The following CDCA8 variants were observed in gnomAD, a reference collection of about 807,000 sequenced individuals.
CDCA8 encodes cell division cycle associated 8.
Under a neutral mutation model 40.0 loss-of-function variants are expected in CDCA8, and 25 were observed. The ratio of observed to expected loss-of-function variants is 0.63; its 90% confidence interval spans 0.46 to 0.87. The LOEUF is 0.87. Ranked by LOEUF, CDCA8 falls within the 40% of genes least tolerant of loss-of-function variation. The probability of loss-of-function intolerance (pLI) is 0.00; values close to 1 mark genes in which losing one functional copy is unlikely to be tolerated. For missense variants in CDCA8, 280 were observed against 348.4 expected, an observed-to-expected ratio of 0.80 and a Z score of 1.56; for synonymous variants, 111 against 126.5, an observed-to-expected ratio of 0.88 and a Z score of 0.82.
rs933576591 is a variant in CDCA8 at position 37,709,579 on chromosome 1, T to C, written c.*1213T>C. On this transcript the variant is annotated 3_prime_UTR_variant, in exon 10 of 10. Transcript: ENST00000373055. ...TAGTAAAACAGTCCTGTTCAAGTTG[T>C]ATTCTTTTAAGTTCTTTTATTCTCC... 6.6e-6 allele frequency: 1 copy of C among 152,240 alleles called. No individual in the cohort carries two copies. The highest frequency in any genetic ancestry group is 1.5e-5 in the Non-Finnish European group (1 of 68,050). 9.4% of individuals were successfully genotyped at this position (152,240 alleles called of 1,614,324 possible).
chr1:37,707,470 C>T (rs1569584259), intron 9 of CDCA8, among the ~76,000 whole-genome samples: 2 of 152,196 alleles, frequency 1.3e-5, no homozygotes, highest in East Asian at 1.9e-4. Flanking sequence ...AGTGGTGGGG[C>T]CCATCAGCTG....
chr1:37,706,747 A>G (rs1197970173), intron 8 of CDCA8, among the ~76,000 whole-genome samples: 1 of 152,264 alleles, frequency 6.6e-6, no homozygotes, highest in Non-Finnish European at 1.5e-5. Context: ...CATACTCTGC[A>G]GGGCATTTCT....
intron 5 of CDCA8, 54 bp from the exon 6 acceptor site, chr1:37,701,700 C>G (rs1645565266): frequency 8.3e-7 from 1 of 1,202,404 alleles, no homozygotes; most frequent in South Asian, 1.4e-5. Context: ...CCCTCCTTAC[C>G]TTCCTCTTTG....
intron 7 of CDCA8, among the ~76,000 whole-genome samples, chr1:37,703,991 A>G (rs575603515): frequency 7.9e-5 from 12 of 152,142 alleles, no homozygotes; most frequent in Non-Finnish European, 1.5e-4. Flanking sequence ...TCTCACTCCA[A>G]TGCCCAGGCT....
chr1:37,706,726 T>G (rs1479008161), intron 8 of CDCA8, among the ~76,000 whole-genome samples: 1 of 152,198 alleles, frequency 6.6e-6, no homozygotes, highest in Non-Finnish European at 1.5e-5. Flanking sequence ...GGGAGGACGG[T>G]TTGTTTCAGA....
In CDCA8 at chr1:37,708,435, A is replaced by G; in HGVS notation, c.*69A>G. 7.0e-7 allele frequency: 1 copy of G among 1,434,282 alleles called. No individual in the cohort carries two copies. The highest frequency in any genetic ancestry group is 9.8e-7 in the Non-Finnish European group (1 of 1,017,450). The allele number at this position is 1,434,282 out of a possible 1,614,324, so 88.8% of individuals were successfully genotyped here. A position where few individuals can be genotyped will look rare whatever the true frequency, so the allele number is the denominator to read the frequency against. On this transcript the variant is annotated 3_prime_UTR_variant, in exon 10 of 10. Transcript: ENST00000373055. The stretch of plus-strand genomic sequence containing the variant: ...GACCCTGAAGAGACTTCTTCCCTTC[A>G]GGCTTATTGTTTGAGTGTGAAGTTC...
rs1271478125 is a variant in CDCA8, at chr1:37,709,248, G to A, written c.*882G>A. On this transcript the variant is annotated 3_prime_UTR_variant, in exon 10 of 10. Coordinates refer to ENST00000373055, the MANE Select transcript of CDCA8 (RefSeq NM_001256875.2). Reference sequence around the variant, plus strand: ...CTGTCTCTAAGCTATCCATGGTCCAGTGGTCCCTGCCAAGTCTGTAGACTT... The same window carrying A: ...CTGTCTCTAAGCTATCCATGGTCCAATGGTCCCTGCCAAGTCTGTAGACTT... 2 of 152,200 alleles carry A rather than the reference G, an allele frequency of 1.3e-5. No homozygotes were observed. Among genetic ancestry groups the A allele is most frequent in the Admixed American group, 1.3e-4 (2 of 15,278 alleles). The allele number at this position is 152,200 out of a possible 1,614,324, so 9.4% of individuals were successfully genotyped here.
intron 7 of CDCA8, among the ~76,000 whole-genome samples, chr1:37,703,605 A>G (rs1291652957): frequency 6.6e-6 from 1 of 152,104 alleles, no homozygotes; most frequent in Non-Finnish European, 1.5e-5. Context: ...AATCCCAGCT[A>G]CTCAGGAGGC....
intron 5 of CDCA8, among the ~76,000 whole-genome samples, chr1:37,700,809 G>C (rs1025478638): frequency 6.6e-6 from 1 of 152,184 alleles, no homozygotes; most frequent in African/African-American, 2.4e-5. Context: ...GGATAGATGG[G>C]GGAGGCGGAA....
intron 6 of CDCA8, 85 bp downstream of exon 6, chr1:37,701,903 G>T: frequency 1.0e-6 from 1 of 961,196 alleles, no homozygotes; most frequent in Non-Finnish European, 1.7e-6. Flanking sequence ...GCAGTGAAAA[G>T]GCTCTGGTGG....
At chr1:37,700,414 CT>C (rs777300833) in intron 4 of CDCA8, 21 bp from the exon 5 acceptor site, 9 of 1,395,900 alleles carry the variant, frequency 6.4e-6, no homozygotes, top group Admixed American at 3.4e-5. Flanking sequence ...AAATACCACC[CT>C]GTTGAAACTG....
At position 37,701,738 on chromosome 1, in the gene CDCA8, T is replaced by C. The variant is rs776947367; in HGVS notation, c.424-16T>C. 2 of 1,603,046 alleles carry C rather than the reference T, an allele frequency of 1.2e-6. No individual in the cohort carries two copies. The highest frequency in any genetic ancestry group is 8.5e-7 in the Non-Finnish European group (1 of 1,170,954). ...GGGTTTTTTGTAACCTTAGTCTCAT[T>C]TGATTGTGACTGCAGGTCAAAAGGT... On this transcript the variant is annotated splice_polypyrimidine_tract_variant and intron_variant, in intron 5 of 9. Transcript: ENST00000373055.
chr1:37,700,126 A>G (rs909300578), intron 4 of CDCA8, among the ~76,000 whole-genome samples: 1 of 152,162 alleles, frequency 6.6e-6, no homozygotes, highest in African/African-American at 2.4e-5. Flanking sequence ...GATGCATCCA[A>G]TTCTTATAAG....
At position 37,696,611 on chromosome 1, in the gene CDCA8, A is replaced by G. The variant is rs1465077218; in HGVS notation, c.264+661A>G. On this transcript the variant is annotated intron_variant, in intron 3 of 9. Coordinates refer to ENST00000373055, the MANE Select transcript of CDCA8 (RefSeq NM_001256875.2). The surrounding 1 kb of genome is among the most constrained non-coding windows in gnomAD (Gnocchi z 5.0). ...CTACTCTTGCAGAAAGTTTTATGAG[A>G]CAGCATTGGGAACTAGTCCATACAT... Among the ~76,000 whole-genome samples the G allele has an allele frequency of 6.6e-6, 1 of 152,278 alleles. No individual in the cohort carries two copies. Among genetic ancestry groups the G allele is most frequent in the African/African-American group, 2.4e-5 (1 of 41,482 alleles).
intron 4 of CDCA8, 37 bp from the exon 5 acceptor site, chr1:37,700,399 A>T (rs749390829): frequency 8.0e-7 from 1 of 1,256,258 alleles, no homozygotes; most frequent in Non-Finnish European, 1.2e-6. Flanking sequence ...CTTTATTTTC[A>T]TCAGAAATAC....
intron 4 of CDCA8, among the ~76,000 whole-genome samples, chr1:37,699,195 G>C (rs538348733): frequency 6.6e-6 from 1 of 152,090 alleles, no homozygotes; most frequent in East Asian, 1.9e-4. Context: ...TTTTAGGCAG[G>C]ACTGCTAAAA....
intron 8 of CDCA8, 26 bp downstream of exon 8, chr1:37,705,593 G>A (rs764068816): frequency 6.2e-7 from 1 of 1,610,620 alleles, no homozygotes; most frequent in East Asian, 2.2e-5. Context: ...GGGAAGCCAG[G>A]CCACAGTGTG....
intron 4 of CDCA8, among the ~76,000 whole-genome samples, chr1:37,699,449 A>T (rs1416632139): frequency 6.6e-6 from 1 of 152,206 alleles, no homozygotes; most frequent in Non-Finnish European, 1.5e-5. Context: ...TACTCAATTC[A>T]GGCCAGGTGC....
chr1:37,695,491 G>A (rs1038872732), intron 2 of CDCA8, among the ~76,000 whole-genome samples: 7 of 152,010 alleles, frequency 4.6e-5, no homozygotes, highest in African/African-American at 1.7e-4. Flanking sequence ...TACTTGGGAG[G>A]CCAAGGTGGG....
Sources: allele counts gnomAD v4.1 joint callset (sites outside exome capture counted in the v4.1 genomes callset), GRCh38; gene constraint gnomAD v4.1.1; non-coding constraint Gnocchi (gnomAD v3.1); transcripts MANE v1.5; gene names NCBI Gene and HGNC (gene_info 2026-07-23, HGNC 2026-07-21).